The following MARCHF11 variants were observed in gnomAD, a reference collection of about 807,000 sequenced individuals.
MARCHF11 encodes membrane associated ring-CH-type finger 11.
Under a neutral mutation model 37.3 loss-of-function variants are expected in MARCHF11, and 29 were observed. That is an observed-to-expected ratio of 0.78 (90% CI 0.58 to 1.06). MARCHF11 has a LOEUF of 1.06. Ranked by LOEUF, MARCHF11 falls within the 50% of genes least tolerant of loss-of-function variation. MARCHF11 has a pLI of 0.00. For synonymous variants in MARCHF11, 233 were observed against 228.0 expected (o/e 1.02, Z -0.20); for missense variants, 482 against 533.4 (o/e 0.90, Z 0.95).
intron 2 of MARCHF11, among the ~76,000 whole-genome samples, chr5:16,138,428 T>C (rs1737646010): frequency 6.6e-6 from 1 of 152,202 alleles, no homozygotes; most frequent in Non-Finnish European, 1.5e-5. Flanking sequence ...TCAGCATATG[T>C]ATGGAAATGC....
At position 16,151,192 on chromosome 5, in the gene MARCHF11, A is replaced by G. The variant is rs146885845; in HGVS notation, c.693+26534T>C. On this transcript the variant is annotated intron_variant, in intron 2 of 3. Transcript: ENST00000332432. The stretch of plus-strand genomic sequence containing the variant: ...ACAATAGGATGTGAAAAATCTTTCC[A>G]AGTCAATAAGTTTGATTGGCTTCAT... Among the ~76,000 whole-genome samples the G allele has an allele frequency of 1.8e-4, 28 of 152,160 alleles. No homozygotes were observed. The East Asian group carries it at 5.3e-3, about 29-fold the overall frequency.
intron 2 of MARCHF11, among the ~76,000 whole-genome samples, chr5:16,122,632 G>A (rs1367830113): frequency 2.0e-5 from 3 of 152,132 alleles, no homozygotes; most frequent in African/African-American, 7.2e-5. Context: ...CAATCCTGTG[G>A]TTTTCCCTTC....
chr5:16,096,206 T>A (rs948303025), intron 2 of MARCHF11, among the ~76,000 whole-genome samples: 16 of 152,214 alleles, frequency 1.1e-4, no homozygotes, highest in African/African-American at 2.7e-4. Flanking sequence ...GCTGTGGCAA[T>A]GGAAGAAATT....
At position 16,090,967 on chromosome 5, in the gene MARCHF11, A is replaced by G. The variant is rs376733112; in HGVS notation, c.808T>C (p.Tyr270His). The G allele has an allele frequency of 4.8e-5, 77 of 1,612,278 alleles. No homozygotes were observed. Among genetic ancestry groups the G allele is most frequent in the Admixed American group, 6.7e-5 (4 of 59,708 alleles). Reference protein sequence around the residue: ...TWLLWSAFSPYAVWQRKDILF... With the variant: ...TWLLWSAFSPHAVWQRKDILF... ...ATGTCCTTCCTCTGCCACACTGCAT[A>G]GGGGCTGAAGGCTGACCAGAGGAGC... Residue 270 changes from tyrosine to histidine, a missense_variant, in exon 3 of 4, where the codon TAT becomes CAT. Transcript: ENST00000332432.
chr5:16,114,569 T>G (rs981987917), intron 2 of MARCHF11, among the ~76,000 whole-genome samples: 1 of 152,172 alleles, frequency 6.6e-6, no homozygotes, highest in Admixed American at 6.5e-5. Context: ...TAATCTTCCC[T>G]TTTTGTCTAG....
intron 2 of MARCHF11, 62 bp from the exon 3 acceptor site, chr5:16,091,143 C>A (rs117289200): frequency 6.4e-6 from 5 of 786,760 alleles, no homozygotes; most frequent in African/African-American, 2.0e-5. Flanking sequence ...GAAAAAAAAA[C>A]ATTTTCAGTC....
intron 2 of MARCHF11, among the ~76,000 whole-genome samples, chr5:16,116,922 G>A (rs1737235041): frequency 6.6e-6 from 1 of 152,224 alleles, no homozygotes; most frequent in Non-Finnish European, 1.5e-5. Flanking sequence ...AAAACTCAAA[G>A]AGAAGAGTAA....
intron 3 of MARCHF11, among the ~76,000 whole-genome samples, chr5:16,086,213 T>G (rs1019066798): frequency 2.0e-5 from 3 of 152,132 alleles, no homozygotes; most frequent in Admixed American, 6.5e-5. Context: ...TACAGTATGA[T>G]CTCACTTATA....
chr5:16,152,970 A>G (rs1471298486), intron 2 of MARCHF11, among the ~76,000 whole-genome samples: 1 of 151,990 alleles, frequency 6.6e-6, no homozygotes. Flanking sequence ...ATTCACTTCA[A>G]CTTCCCTTAT....
chr5:16,131,507 A>C (rs1737514340), intron 2 of MARCHF11, among the ~76,000 whole-genome samples: 1 of 152,176 alleles, frequency 6.6e-6, no homozygotes, highest in Admixed American at 6.5e-5. Context: ...TCTAAAACAA[A>C]ATGTAATGTT....
chr5:16,163,583 T>C (rs1738122371), intron 2 of MARCHF11, among the ~76,000 whole-genome samples: 1 of 151,938 alleles, frequency 6.6e-6, no homozygotes. Context: ...ACACTTTATA[T>C]GCAAAAATCA....
rs61225598 is a variant in MARCHF11, at chr5:16,142,884, C to CTT, written c.693+34840_693+34841dup. 1.1e-3 allele frequency among the ~76,000 whole-genome samples: 59 copies of CTT among 52,212 alleles called. 12 individuals are homozygous for CTT. The highest frequency in any genetic ancestry group is 5.1e-3 in the African/African-American group (55 of 10,828). 34.3% of individuals were successfully genotyped at this position (52,212 alleles called of 152,430 possible). ...CAGGCATGCGCACCACCACACCTGG[C>CTT]TTTTTTTTTTTTTTTTTTTTTTTTT... is the stretch of plus-strand genomic sequence containing the variant. On this transcript the variant is annotated intron_variant, in intron 2 of 3. Coordinates refer to ENST00000332432, the MANE Select transcript of MARCHF11 (RefSeq NM_001102562.3).
chr5:16,146,838 T>C (rs978194806), intron 2 of MARCHF11, among the ~76,000 whole-genome samples: 6 of 151,792 alleles, frequency 4.0e-5, no homozygotes, highest in African/African-American at 1.5e-4. Context: ...GCCACATGTC[T>C]TAAGAAAGAA....
chr5:16,122,195 G>A (rs1020435333), intron 2 of MARCHF11, among the ~76,000 whole-genome samples: 3 of 152,112 alleles, frequency 2.0e-5, no homozygotes, highest in African/African-American at 7.2e-5. Flanking sequence ...TTGACAGAAG[G>A]AAACTTCTGG....
At chr5:16,079,252 C>T (rs1736568125) in intron 3 of MARCHF11, among the ~76,000 whole-genome samples, 1 of 152,184 alleles carries the variant, frequency 6.6e-6, no homozygotes, top group Admixed American at 6.5e-5. Flanking sequence ...CCATTGTTGA[C>T]AACCTCCAAT....
At chr5:16,117,272 C>T (rs1408070921) in intron 2 of MARCHF11, among the ~76,000 whole-genome samples, 1 of 152,154 alleles carries the variant, frequency 6.6e-6, no homozygotes, top group Non-Finnish European at 1.5e-5. Flanking sequence ...TAAAATATGA[C>T]TGAATTGGCT....
chr5:16,076,328 A>G (rs1736517750), intron 3 of MARCHF11, among the ~76,000 whole-genome samples: 1 of 152,176 alleles, frequency 6.6e-6, no homozygotes, highest in African/African-American at 2.4e-5. Context: ...AATTCACAGG[A>G]GAGAAAAATT....
At chr5:16,125,312 G>A (rs145546773) in intron 2 of MARCHF11, among the ~76,000 whole-genome samples, 3 of 142,106 alleles carry the variant, frequency 2.1e-5, no homozygotes, top group Non-Finnish European at 4.9e-5. Flanking sequence ...GAAAGCTGCT[G>A]TGGTATGAAT....
At chr5:16,161,331 G>A (rs1412914237) in intron 2 of MARCHF11, among the ~76,000 whole-genome samples, 1 of 151,750 alleles carries the variant, frequency 6.6e-6, no homozygotes, top group Admixed American at 6.6e-5. Context: ...CTTCCTGCAT[G>A]TGTTCATAAA....
Sources: gnomAD v4.1 joint callset for allele counts (sites outside exome capture counted in the v4.1 genomes callset) on GRCh38, gnomAD v4.1.1 for gene constraint, MANE v1.5 for transcripts, NCBI Gene and HGNC (gene_info 2026-07-23, HGNC 2026-07-21) for gene names.